PITPNC1: variants seen among roughly 807,000 people sequenced by gnomAD.
PITPNC1 encodes the protein cytoplasmic phosphatidylinositol transfer protein 1.
PITPNC1 carries 18 observed loss-of-function variants against 44.7 expected under a neutral mutation model. That is an observed-to-expected ratio of 0.40 (90% confidence interval 0.28 to 0.60). The LOEUF is 0.60. Ranked by LOEUF, PITPNC1 falls within the 20% of genes least tolerant of loss-of-function variation. The pLI is 0.39. For synonymous variants in PITPNC1, 141 were observed against 149.6 expected, an observed-to-expected ratio of 0.94 and a Z score of 0.42; for missense variants, 290 against 418.4, an observed-to-expected ratio of 0.69 and a Z score of 2.68.
chr17:67,451,590 G>C (rs574929883), intron 1 of PITPNC1, among the ~76,000 whole-genome samples: 2 of 150,872 alleles, frequency 1.3e-5, no homozygotes, highest in African/African-American at 4.9e-5. Flanking sequence ...TAGTAATTTC[G>C]TATAAAAATT....
chr17:67,435,582 G>A (rs567569418), intron 1 of PITPNC1, among the ~76,000 whole-genome samples: 3 of 152,316 alleles, frequency 2.0e-5, no homozygotes, highest in Admixed American at 6.5e-5. Context: ...GGCCAGGTGC[G>A]GTGGCCTACA....
intron 6 of PITPNC1, among the ~76,000 whole-genome samples, chr17:67,636,288 A>G (rs1393451318): frequency 6.6e-6 from 1 of 151,668 alleles, no homozygotes; most frequent in Non-Finnish European, 1.5e-5. Flanking sequence ...TTTCAAAAAA[A>G]AAAAAAAAAA....
chr17:67,666,624 G>A (rs1344601459), intron 6 of PITPNC1, among the ~76,000 whole-genome samples: 1 of 152,248 alleles, frequency 6.6e-6, no homozygotes, highest in African/African-American at 2.4e-5. Context: ...AGGCCACCGT[G>A]GCAGCAGAGT....
In PITPNC1 at chr17:67,409,071, C is replaced by CTTTTTTTT. The variant is rs1159310735; in HGVS notation, c.48+30886_48+30893dup. Among the ~76,000 whole-genome samples, 377 of 80,528 alleles carry CTTTTTTTT rather than the reference C, an allele frequency of 4.7e-3. 14 individuals carry two copies. The highest frequency in any genetic ancestry group is 6.3e-3 in the Non-Finnish European group (278 of 44,456). 52.8% of individuals were successfully genotyped at this position (80,528 alleles called of 152,430 possible). A position where few individuals can be genotyped will look rare whatever the true frequency, so the allele number is the denominator to read the frequency against. ...TGTGGGGTAGGGGTCCAAATTCATT[C>CTTTTTTTT]TTTTTTTTTTTTTTTTTTTTTTTTG... On this transcript the variant is annotated intron_variant, in intron 1 of 8. Coordinates refer to ENST00000581322, the MANE Select transcript of PITPNC1 (RefSeq NM_012417.4).
chr17:67,591,405 G>A lies in PITPNC1; in HGVS notation c.366+13148G>A, dbSNP rs147389520. On this transcript the variant is annotated intron_variant, in intron 5 of 8. Transcript: ENST00000581322. Reference sequence around the variant, plus strand: ...AATCGGCAAAATTTAAGTAGGGACTGAGGATTAGATAATAGTATTATATCA... The same window carrying A: ...AATCGGCAAAATTTAAGTAGGGACTAAGGATTAGATAATAGTATTATATCA... Among the ~76,000 whole-genome samples the A allele has an allele frequency of 2.6e-5, 4 of 152,324 alleles. No homozygotes were observed. The South Asian group carries it at 8.3e-4, about 32-fold the overall frequency.
At chr17:67,662,140 C>T (rs748680697) in intron 6 of PITPNC1, among the ~76,000 whole-genome samples, 1 of 151,990 alleles carries the variant, frequency 6.6e-6, no homozygotes, top group Non-Finnish European at 1.5e-5. Flanking sequence ...ATTTACATAC[C>T]ATAAAGCTCA....
At chr17:67,636,671 C>T (rs1237145404) in intron 6 of PITPNC1, among the ~76,000 whole-genome samples, 2 of 152,170 alleles carry the variant, frequency 1.3e-5, no homozygotes, top group Non-Finnish European at 2.9e-5. Context: ...CCAGCCCCAT[C>T]ACCTTCAACA....
intron 2 of PITPNC1, among the ~76,000 whole-genome samples, chr17:67,545,133 G>A (rs2040660428): frequency 6.6e-6 from 1 of 151,754 alleles, no homozygotes; most frequent in Non-Finnish European, 1.5e-5. Flanking sequence ...GCAACATAGT[G>A]GGACTCTGTC....
intron 2 of PITPNC1, among the ~76,000 whole-genome samples, chr17:67,542,877 T>G (rs1321620451): frequency 2.0e-5 from 3 of 152,152 alleles, no homozygotes; most frequent in African/African-American, 7.2e-5. Flanking sequence ...AATGTGGAAA[T>G]GAGAAAGTTG....
chr17:67,584,667 C>T (rs1304663117), intron 5 of PITPNC1, among the ~76,000 whole-genome samples: 2 of 152,132 alleles, frequency 1.3e-5, no homozygotes, highest in African/African-American at 4.8e-5. Flanking sequence ...ACTGTGATGG[C>T]CACACCTCGG....
intron 5 of PITPNC1, chr17:67,611,802 G>A (rs1407082346): frequency 6.6e-6 from 1 of 152,210 alleles, no homozygotes; most frequent in Non-Finnish European, 1.5e-5. Flanking sequence ...AAATCACAAT[G>A]AGCCTGTTGC....
chr17:67,658,713 T>C lies in PITPNC1; in HGVS notation c.463-10795T>C, dbSNP rs569829550. ...CCACCTTGCTTTGTTTGCTGGGTTG[T>C]CTCCTACATCTCTGGGTTACCAGGA... On this transcript the variant is annotated intron_variant, in intron 6 of 8. Transcript: ENST00000581322. Among the ~76,000 whole-genome samples the C allele has an allele frequency of 8.7e-4, 133 of 152,140 alleles. 1 individual carries two copies. The highest frequency in any genetic ancestry group is 2.6e-4 in the Admixed American group (4 of 15,264).
At position 67,664,441 on chromosome 17, in the gene PITPNC1, C is replaced by T. The variant is rs775710903; in HGVS notation, c.463-5067C>T. On this transcript the variant is annotated intron_variant, in intron 6 of 8. Transcript: ENST00000581322. ...TCCCACCTACAGTGTATCAGCATTC[C>T]GTTTTCTCCACGGCCTCACCAGCAT... is the stretch of plus-strand genomic sequence containing the variant. 5.9e-5 allele frequency among the ~76,000 whole-genome samples: 9 copies of T among 152,180 alleles called. 1 individual carries two copies. Among genetic ancestry groups the T allele is most frequent in the Admixed American group, 2.6e-4 (4 of 15,272 alleles).
At chr17:67,553,730 C>T (rs192665843) in intron 4 of PITPNC1, 113 bp downstream of exon 4, 6 of 464,872 alleles carry the variant, frequency 1.3e-5, no homozygotes, top group Non-Finnish European at 1.9e-5. Context: ...GGAATAATTC[C>T]AAGTCAGAAA....
At chr17:67,678,761 G>A (rs1002753322) in intron 8 of PITPNC1, among the ~76,000 whole-genome samples, 16 of 152,152 alleles carry the variant, frequency 1.1e-4, no homozygotes, top group African/African-American at 3.6e-4. Context: ...CAGGCTAAGC[G>A]CCCACCAGCA....
chr17:67,489,867 C>A (rs1234732282), intron 1 of PITPNC1, among the ~76,000 whole-genome samples: 1 of 152,112 alleles, frequency 6.6e-6, no homozygotes, highest in East Asian at 1.9e-4. Flanking sequence ...CCTTAGCCTC[C>A]CGAGTAGCTG....
intron 1 of PITPNC1, among the ~76,000 whole-genome samples, chr17:67,522,429 T>C (rs1568025119): frequency 6.6e-6 from 1 of 152,048 alleles, no homozygotes. Flanking sequence ...TTCATATTTC[T>C]CCCGTCTTCT....
At chr17:67,542,965 G>A (rs1280733055) in intron 2 of PITPNC1, among the ~76,000 whole-genome samples, 1 of 152,160 alleles carries the variant, frequency 6.6e-6, no homozygotes, top group Non-Finnish European at 1.5e-5. Flanking sequence ...TCGACCACTG[G>A]TGTGCTTTGG....
At chr17:67,546,512 C>A (rs576490294) in intron 2 of PITPNC1, among the ~76,000 whole-genome samples, 1 of 152,250 alleles carries the variant, frequency 6.6e-6, no homozygotes, top group South Asian at 2.1e-4. Context: ...TGGTTGGGAT[C>A]TCAGAGGTTT....
Sources: gnomAD v4.1 joint callset for allele counts (sites outside exome capture counted in the v4.1 genomes callset) on GRCh38, gnomAD v4.1.1 for gene constraint, MANE v1.5 for transcripts, NCBI Gene and HGNC (gene_info 2026-07-23, HGNC 2026-07-21) for gene names.